ZNF610: variants seen among roughly 807,000 people sequenced by gnomAD.
ZNF610 encodes the protein zink finger protein.
In ZNF610, 14 loss-of-function variants were observed where a neutral mutation model predicts 14.1. The observed-to-expected ratio is 0.99, with a 90% CI of 0.65 to 1.55. The LOEUF is 1.55. ZNF610 is among the 40% of genes most tolerant of loss of function. The pLI is 0.00. For synonymous variants in ZNF610, 185 were observed against 187.6 expected, an observed-to-expected ratio of 0.99 and a Z score of 0.11; for missense variants, 530 against 558.0, an observed-to-expected ratio of 0.95 and a Z score of 0.51.
intron 5 of ZNF610, among the ~76,000 whole-genome samples, chr19:52,358,409 C>T (rs1004815132): frequency 1.3e-5 from 2 of 152,190 alleles, no homozygotes; most frequent in African/African-American, 4.8e-5. Context: ...GTCTCGATCT[C>T]CTGACCTCGT....
chr19:52,334,936 A>AACACACACACCCACACACACAC (rs1984300935), upstream of ZNF610, among the ~76,000 whole-genome samples: 1 of 41,536 alleles, frequency 2.4e-5, no homozygotes, highest in Non-Finnish European at 5.0e-5. Context: ...CTCAAAAACA[A>AACACACACACCCACACACACAC]ACACACACAC....
At chr19:52,363,289 C>T (rs892510368) in intron 5 of ZNF610, among the ~76,000 whole-genome samples, 1 of 152,088 alleles carries the variant, frequency 6.6e-6, no homozygotes, top group African/African-American at 2.4e-5. Flanking sequence ...ACCACTGCAT[C>T]CAGCTAATTT....
intron 1 of ZNF610, chr19:52,347,302 A>G (rs1985006936): frequency 6.6e-6 from 1 of 152,204 alleles, no homozygotes; most frequent in East Asian, 1.9e-4. Flanking sequence ...TTAATGGGGA[A>G]AAAGATTTTA....
intron 5 of ZNF610, among the ~76,000 whole-genome samples, chr19:52,358,933 C>T (rs1277538611): frequency 2.6e-5 from 4 of 152,182 alleles, no homozygotes; most frequent in South Asian, 4.1e-4. Context: ...GTCTTGGCAG[C>T]CTTATTGAAC....
At chr19:52,336,745 T>C (rs1421304774) in intron 1 of ZNF610, among the ~76,000 whole-genome samples, 2 of 152,078 alleles carry the variant, frequency 1.3e-5, no homozygotes, top group African/African-American at 2.4e-5. Context: ...GCCCCACCCT[T>C]TTCCTCCTTG....
chr19:52,349,283 T>C, intron 3 of ZNF610, 48 bp downstream of exon 3: 1 of 1,580,106 alleles, frequency 6.3e-7, no homozygotes, highest in Non-Finnish European at 8.7e-7. Flanking sequence ...CTTTCTGAAA[T>C]GCCTGAAGCA....
In ZNF610 at chr19:52,367,269, A is replaced by C. The variant is rs911020072; in HGVS notation, c.*502A>C. The C allele has an allele frequency of 1.3e-5, 2 of 152,954 alleles. No homozygotes were observed. The highest frequency in any genetic ancestry group is 4.8e-5 in the African/African-American group (2 of 41,448). The allele number at this position is 152,954 out of a possible 1,614,324, so 9.5% of individuals were successfully genotyped here. ...CTCCTGAGTAGCTGGGATTACAGGC[A>C]TGTGCCACTACTGCCCGGCTAATTT... is the stretch of plus-strand genomic sequence containing the variant. On this transcript the variant is annotated 3_prime_UTR_variant, in exon 6 of 6. Transcript: ENST00000403906.
At chr19:52,341,746 T>A (rs1195125787) in intron 1 of ZNF610, among the ~76,000 whole-genome samples, 1 of 152,070 alleles carries the variant, frequency 6.6e-6, no homozygotes, top group African/African-American at 2.4e-5. Context: ...CCTGCCTCAG[T>A]CTCCCAAGTA....
chr19:52,352,042 G>C (rs971168729), intron 3 of ZNF610, among the ~76,000 whole-genome samples: 9 of 152,150 alleles, frequency 5.9e-5, no homozygotes, highest in Admixed American at 5.2e-4. Context: ...TCTCCAGGGG[G>C]ACAGAAAGGT....
chr19:52,339,906 G>A (rs536977986), intron 1 of ZNF610, among the ~76,000 whole-genome samples: 10 of 152,128 alleles, frequency 6.6e-5, no homozygotes, highest in Admixed American at 6.6e-4. Context: ...TGATCCACCC[G>A]CCTTGGCCTC....
At position 52,365,970 on chromosome 19, in the gene ZNF610, A is replaced by G. The variant is rs1208593342; in HGVS notation, c.592A>G (p.Arg198Gly). ...LLPQEEKAYI[R>G]GKSYEYECSE... Reference sequence around the variant, plus strand: ...CCCACAAGAAGAGAAAGCATACATTAGAGGAAAATCTTATGAATATGAATG... The same window carrying G: ...CCCACAAGAAGAGAAAGCATACATTGGAGGAAAATCTTATGAATATGAATG... Residue 198 changes from arginine to glycine, a missense_variant, in exon 6 of 6, where the codon AGA becomes GGA. Transcript: ENST00000403906. 6.2e-7 allele frequency: 1 copy of G among 1,614,138 alleles called. No homozygotes were observed. Among genetic ancestry groups the G allele is most frequent in the Non-Finnish European group, 8.5e-7 (1 of 1,180,018 alleles).
chr19:52,352,105 C>T (rs184263124), intron 3 of ZNF610, among the ~76,000 whole-genome samples: 4 of 152,224 alleles, frequency 2.6e-5, no homozygotes, highest in Non-Finnish European at 5.9e-5. Flanking sequence ...AGTAGAGTTG[C>T]GAATTTCTTA....
At chr19:52,334,755 C>G (rs1028637145), upstream of ZNF610, among the ~76,000 whole-genome samples, 2 of 151,750 alleles carry the variant, frequency 1.3e-5, no homozygotes, top group Non-Finnish European at 2.9e-5. Flanking sequence ...ATGGTGAAAC[C>G]GTGTCTGTAC....
chr19:52,359,233 A>G (rs1270790527), intron 5 of ZNF610, among the ~76,000 whole-genome samples: 1 of 152,100 alleles, frequency 6.6e-6, no homozygotes, highest in Non-Finnish European at 1.5e-5. Flanking sequence ...TTGGCTATTG[A>G]CATCTTAACC....
upstream of ZNF610, among the ~76,000 whole-genome samples, chr19:52,331,733 A>ACTGAAAATTAC: frequency 6.6e-6 from 1 of 152,186 alleles, no homozygotes; most frequent in Non-Finnish European, 1.5e-5. Flanking sequence ...CAAACGGCTG[A>ACTGAAAATTAC]CTGACAATTA....
intron 5 of ZNF610, among the ~76,000 whole-genome samples, chr19:52,355,460 T>A (rs1985478862): frequency 1.3e-5 from 2 of 152,210 alleles, no homozygotes; most frequent in African/African-American, 4.8e-5. Flanking sequence ...GCACAGAGCA[T>A]TTCACTTCTG....
chr19:52,361,139 A>G (rs530815749), intron 5 of ZNF610, among the ~76,000 whole-genome samples: 4 of 149,538 alleles, frequency 2.7e-5, no homozygotes, highest in African/African-American at 9.8e-5. Flanking sequence ...GTATCTAGAA[A>G]TTCATCCATT....
At position 52,338,666 on chromosome 19, in the gene ZNF610, T is replaced by C. The variant is rs1451885914; in HGVS notation, c.-258+2160T>C. Among the ~76,000 whole-genome samples the C allele has an allele frequency of 7.2e-5, 11 of 151,896 alleles. No homozygotes were observed. The East Asian group carries it at 1.9e-3, about 27-fold the overall frequency. ...ACTGCAGCCTGGGCAACAGTGAGAC[T>C]CTGTCTCAAAAAAAAAGGAGGGGCT... On this transcript the variant is annotated intron_variant, in intron 1 of 5. Transcript: ENST00000403906.
intron 1 of ZNF610, among the ~76,000 whole-genome samples, chr19:52,346,166 A>T (rs115340773): frequency 0.021 from 3,126 of 149,272 alleles, 238 homozygotes; most frequent in African/African-American, 0.067. Flanking sequence ...ACCCGGCTAA[A>T]GTTTGTATTT....
Sources: allele counts gnomAD v4.1 joint callset (sites outside exome capture counted in the v4.1 genomes callset), GRCh38; gene constraint gnomAD v4.1.1; transcripts MANE v1.5; gene names NCBI Gene and HGNC (gene_info 2026-07-23, HGNC 2026-07-21).